FGGY: variants seen among roughly 807,000 people sequenced by gnomAD.
FGGY encodes FGGY carbohydrate kinase domain-containing protein.
A neutral mutation model predicts 71.3 loss-of-function variants in FGGY; 72 were observed. The ratio of observed to expected loss-of-function variants is 1.01; its 90% CI spans 0.84 to 1.23. The LOEUF is 1.23. Ranked by LOEUF, FGGY falls within the 50% of genes most tolerant of loss-of-function variation. The pLI is 0.00. For missense variants in FGGY, 668 were observed against 682.3 expected (o/e 0.98, Z 0.23); for synonymous variants, 251 against 250.3 (o/e 1.00, Z -0.02).
chr1:59,478,099 C>G (rs1039397353), intron 6 of FGGY, among the ~76,000 whole-genome samples: 3 of 152,144 alleles, frequency 2.0e-5, no homozygotes, highest in African/African-American at 7.2e-5. Context: ...CAACCACTTG[C>G]CAGATTGGGA....
rs374474507 is a variant in FGGY, at chr1:59,464,233, G to A, written c.670+7157G>A. On this transcript the variant is annotated intron_variant, in intron 6 of 15. Transcript: ENST00000303721. ...AACTCACTCAAAACTGCACAACTAC[G>A]TGGAAAGTGAACAACCTGCTCCTGA... 3.9e-4 allele frequency among the ~76,000 whole-genome samples: 60 copies of A among 152,260 alleles called. 2 individuals carry two copies. The East Asian group carries it at 7.3e-3, about 19-fold the overall frequency.
At chr1:59,508,880 A>AT (rs2094455539) in intron 6 of FGGY, among the ~76,000 whole-genome samples, 1 of 152,164 alleles carries the variant, frequency 6.6e-6, no homozygotes, top group South Asian at 2.1e-4. Flanking sequence ...TAAGGTGTTT[A>AT]TTAGGGATGG....
chr1:59,636,155 G>A (rs1412034528), intron 10 of FGGY, among the ~76,000 whole-genome samples: 1 of 152,074 alleles, frequency 6.6e-6, no homozygotes, highest in East Asian at 1.9e-4. Context: ...TAAACTGCTG[G>A]TAGGTAGGGC....
At chr1:59,316,442 G>T (rs76609602) in intron 1 of FGGY, 2 of 152,082 alleles carry the variant, frequency 1.3e-5, no homozygotes, top group African/African-American at 4.8e-5. Flanking sequence ...CCACATTATC[G>T]GTTTTTAGCT....
chr1:59,746,926 C>G (rs2098203057), intron 14 of FGGY, among the ~76,000 whole-genome samples: 1 of 152,140 alleles, frequency 6.6e-6, no homozygotes, highest in Non-Finnish European at 1.5e-5. Context: ...GTTCCAAAGC[C>G]ATATGTTTTC....
intron 9 of FGGY, among the ~76,000 whole-genome samples, chr1:59,618,937 C>G (rs1238653731): frequency 6.6e-6 from 1 of 152,014 alleles, no homozygotes; most frequent in Non-Finnish European, 1.5e-5. Flanking sequence ...ACTAACTCTG[C>G]AAAAACAAAT....
rs561953004 is a variant in FGGY, at chr1:59,507,684, AT to A, written c.671-4604del. On this transcript the variant is annotated intron_variant, in intron 6 of 15. Transcript: ENST00000303721. Reference sequence around the variant, plus strand: ...AGGCAACTGCAACCATGCTTGGCTAATTTTTTTTTTTTTTTTTTTTTTTGTA... The same window carrying A: ...AGGCAACTGCAACCATGCTTGGCTAATTTTTTTTTTTTTTTTTTTTTTGTA... 4.9e-3 allele frequency among the ~76,000 whole-genome samples: 519 copies of A among 106,904 alleles called. 4 individuals carry two copies. Among genetic ancestry groups the A allele is most frequent in the African/African-American group, 0.016 (399 of 24,598 alleles). The allele number at this position is 106,904 out of a possible 152,430, so 70.1% of individuals were successfully genotyped here.
At chr1:59,579,263 C>T (rs1048249876) in intron 8 of FGGY, among the ~76,000 whole-genome samples, 4 of 152,062 alleles carry the variant, frequency 2.6e-5, no homozygotes, top group Admixed American at 6.6e-5. Flanking sequence ...TTTTGGAAGG[C>T]GTTAAGCCTC....
At chr1:59,430,326 G>A (rs1267456770) in intron 5 of FGGY, among the ~76,000 whole-genome samples, 1 of 152,164 alleles carries the variant, frequency 6.6e-6, no homozygotes, top group African/African-American at 2.4e-5. Flanking sequence ...ACATCTGAAT[G>A]TTCTCTGTGG....
At chr1:59,379,935 G>T (rs1157252964) in intron 5 of FGGY, among the ~76,000 whole-genome samples, 1 of 151,898 alleles carries the variant, frequency 6.6e-6, no homozygotes. Flanking sequence ...ATCTCCTAAT[G>T]CTATCCCCCG....
At chr1:59,645,521 T>A (rs770313419) in intron 11 of FGGY, among the ~76,000 whole-genome samples, 5 of 152,186 alleles carry the variant, frequency 3.3e-5, no homozygotes, top group Admixed American at 2.0e-4. Flanking sequence ...GAGATTGATC[T>A]TCTTTGTTCA....
intron 4 of FGGY, among the ~76,000 whole-genome samples, chr1:59,374,714 C>G (rs1338942808): frequency 6.6e-6 from 1 of 151,990 alleles, no homozygotes; most frequent in Non-Finnish European, 1.5e-5. Context: ...CCATGGAATA[C>G]TATGCAGCCA....
Position 59,321,766 on chromosome 1 carries a change from G to T in FGGY, c.201+16G>T, listed in dbSNP as rs200490773. ...TGTCACAAAGGTATGGGCAAAACTG[G>T]TGTTCTCTCCTTGTTCATATTCCTA... On this transcript the variant is annotated intron_variant, in intron 2 of 15. Coordinates refer to ENST00000303721, the MANE Select transcript of FGGY (RefSeq NM_018291.5). The T allele has an allele frequency of 3.1e-6, 5 of 1,603,602 alleles. No homozygotes were observed. In the Admixed American group the frequency reaches 8.5e-5, roughly 27 times the overall value.
chr1:59,552,657 T>C (rs1002482343), intron 7 of FGGY, among the ~76,000 whole-genome samples: 1 of 152,178 alleles, frequency 6.6e-6, no homozygotes, highest in African/African-American at 2.4e-5. Context: ...GAATTGAGTA[T>C]AGACTGAACT....
chr1:59,370,756 AT>A (rs1271973713), intron 4 of FGGY, among the ~76,000 whole-genome samples: 4 of 151,488 alleles, frequency 2.6e-5, no homozygotes, highest in Non-Finnish European at 5.9e-5. Context: ...AATATTCAAC[AT>A]TCTTAAAGAA....
intron 9 of FGGY, among the ~76,000 whole-genome samples, chr1:59,619,618 G>A (rs372625541): frequency 2.6e-5 from 4 of 152,002 alleles, no homozygotes; most frequent in Non-Finnish European, 5.9e-5. Flanking sequence ...CAATGGATGC[G>A]GCAGAGTGAA....
At chr1:59,514,661 C>T (rs1463304984) in intron 7 of FGGY, among the ~76,000 whole-genome samples, 2 of 152,266 alleles carry the variant, frequency 1.3e-5, no homozygotes, top group Non-Finnish European at 2.9e-5. Flanking sequence ...GGAGGCCGGT[C>T]TTTCCCATGC....
intron 7 of FGGY, among the ~76,000 whole-genome samples, chr1:59,546,526 GATGATGATGATTATT>G (rs1433646938): frequency 6.7e-5 from 6 of 89,166 alleles, no homozygotes; most frequent in Admixed American, 1.3e-4. Flanking sequence ...TGATGATGAT[GATGATGATGATTATT>G]ATTATTATTA....
intron 3 of FGGY, among the ~76,000 whole-genome samples, chr1:59,342,902 T>C (rs2050997228): frequency 6.6e-6 from 1 of 152,172 alleles, no homozygotes; most frequent in South Asian, 2.1e-4. Flanking sequence ...TATGATAAAA[T>C]AGTCTCATTT....
Sources: allele counts gnomAD v4.1 joint callset (sites outside exome capture counted in the v4.1 genomes callset), GRCh38; gene constraint gnomAD v4.1.1; transcripts MANE v1.5; gene names NCBI Gene and HGNC (gene_info 2026-07-23, HGNC 2026-07-21).